Variants in PPP1R1B observed in about 807,000 individuals in gnomAD.
PPP1R1B encodes the protein protein phosphatase 1 regulatory subunit 1B.
PPP1R1B carries 13 observed loss-of-function variants against 28.2 expected under a neutral mutation model. The ratio of observed to expected loss-of-function variants is 0.46; its 90% CI spans 0.30 to 0.73. The LOEUF (loss-of-function observed/expected upper bound fraction) is 0.73, where lower values mean the gene tolerates loss of function less well. PPP1R1B is among the 30% of genes least tolerant of loss of function. The probability of loss-of-function intolerance (pLI) is 0.07; values close to 1 mark genes in which losing one functional copy is unlikely to be tolerated. For missense variants in PPP1R1B, 236 were observed against 256.7 expected, an observed-to-expected ratio of 0.92 and a Z score of 0.55; for synonymous variants, 102 against 97.5, an observed-to-expected ratio of 1.05 and a Z score of -0.27.
Position 39,627,013 on chromosome 17 carries a change from A to C in PPP1R1B, c.-380A>C, listed in dbSNP as rs998989223. The C allele has an allele frequency of 2.3e-4, 48 of 208,884 alleles. No homozygotes were observed. The highest frequency in any genetic ancestry group is 7.9e-4 in the Admixed American group (13 of 16,440). The allele number at this position is 208,884 out of a possible 1,614,324, so 12.9% of individuals were successfully genotyped here. The stretch of plus-strand genomic sequence containing the variant: ...AGGGAGGGAGGTGGAGAAGGACGGG[A>C]GAGGCAGAGAGAGGAGACACGCAGA... On this transcript the variant is annotated 5_prime_UTR_variant, in exon 1 of 7. Transcript: ENST00000254079.
chr17:39,628,728 C>T (rs1567847140), intron 1 of PPP1R1B: 9 of 993,432 alleles, frequency 9.1e-6, no homozygotes, highest in Non-Finnish European at 1.1e-5. Flanking sequence ...CACATGGGTG[C>T]CATGGCCCGT....
chr17:39,634,643 CT>C lies in PPP1R1B; in HGVS notation c.445+562del, dbSNP rs1018802699. 7.9e-5 allele frequency among the ~76,000 whole-genome samples: 12 copies of C among 152,316 alleles called. 1 individual carries two copies. Among genetic ancestry groups the C allele is most frequent in the Admixed American group, 4.6e-4 (7 of 15,308 alleles). On this transcript the variant is annotated intron_variant, in intron 5 of 6. Coordinates refer to ENST00000254079, the MANE Select transcript of PPP1R1B (RefSeq NM_032192.4). ...TCAAGAACCAGCCCGGCCCATTAAC[CT>C]TTTTAGTCTCATTATTTATGGGAAT...
At position 39,630,325 on chromosome 17, in the gene PPP1R1B, G is replaced by A. The variant is rs1055581427; in HGVS notation, c.241+278G>A. ...CCTAAGACAACCAGCAGGCATCCGC[G>A]TGGAAGGGACTCCACCTGCAGCTCC... On this transcript the variant is annotated intron_variant, in intron 4 of 6. Transcript: ENST00000254079. The A allele has an allele frequency of 2.9e-5, 13 of 446,078 alleles. 1 individual carries two copies. Among genetic ancestry groups the A allele is most frequent in the South Asian group, 7.2e-5 (3 of 41,510 alleles). 27.6% of individuals were successfully genotyped at this position (446,078 alleles called of 1,614,324 possible).
intron 5 of PPP1R1B, 137 bp downstream of exon 5, chr17:39,634,223 T>A: frequency 8.7e-7 from 1 of 1,154,420 alleles, no homozygotes; most frequent in Non-Finnish European, 1.2e-6. Flanking sequence ...TCTCGCTCCA[T>A]GGGGTGCCCC....
At chr17:39,635,160 C>T (rs1282193511) in intron 5 of PPP1R1B, among the ~76,000 whole-genome samples, 1 of 152,174 alleles carries the variant, frequency 6.6e-6, no homozygotes, top group Admixed American at 6.5e-5. Context: ...CGCACCACTG[C>T]ACTCCAGCCT....
chr17:39,636,026 C>T lies in PPP1R1B; in HGVS notation c.*161C>T. On this transcript the variant is annotated 3_prime_UTR_variant, in exon 7 of 7. Transcript: ENST00000254079. ...GCTGGTCTGTGTTTGCTTGTTTGCC[C>T]ACCTTTGGCTGATACCCAGAGAACC... 2 of 815,492 alleles carry T rather than the reference C, an allele frequency of 2.5e-6. No homozygotes were observed. The highest frequency in any genetic ancestry group is 1.8e-5 in the South Asian group (1 of 55,076). The allele number at this position is 815,492 out of a possible 1,614,324, so 50.5% of individuals were successfully genotyped here. A position where few individuals can be genotyped will look rare whatever the true frequency, so the allele number is the denominator to read the frequency against.
intron 1 of PPP1R1B, 129 bp downstream of exon 1, chr17:39,627,602 C>G: frequency 3.3e-6 from 2 of 601,440 alleles, no homozygotes; most frequent in South Asian, 2.1e-5. Flanking sequence ...GGCTCTGCCT[C>G]GGTCAGGACG....
intron 1 of PPP1R1B, chr17:39,628,373 G>T: frequency 3.1e-6 from 1 of 317,652 alleles, no homozygotes; most frequent in Non-Finnish European, 4.5e-6. Flanking sequence ...GGTTCTCTTT[G>T]TGCATTTCCC....
chr17:39,633,467 A>G, intron 4 of PPP1R1B: 1 of 184,720 alleles, frequency 5.4e-6, no homozygotes, highest in Non-Finnish European at 1.2e-5. Context: ...GCAAATCCCC[A>G]GGCCCTGGTT....
At chr17:39,629,338 G>A in intron 2 of PPP1R1B, 108 bp downstream of exon 2, 2 of 1,337,700 alleles carry the variant, frequency 1.5e-6, no homozygotes, top group Non-Finnish European at 2.1e-6. Flanking sequence ...AGACTGGGGA[G>A]TGGATAAGGT....
chr17:39,627,544 C>A, intron 1 of PPP1R1B, 71 bp downstream of exon 1: 1 of 1,011,260 alleles, frequency 9.9e-7, no homozygotes, highest in Non-Finnish European at 1.4e-6. Flanking sequence ...CCTCCCAAGG[C>A]GCTGCCCCGG....
chr17:39,631,279 A>G (rs1165261032), intron 4 of PPP1R1B, among the ~76,000 whole-genome samples: 2 of 152,204 alleles, frequency 1.3e-5, no homozygotes, highest in East Asian at 1.9e-4. Flanking sequence ...GTACACAAAG[A>G]TGTTTAAGCT....
chr17:39,630,632 G>A (rs766931787), intron 4 of PPP1R1B, among the ~76,000 whole-genome samples: 13 of 152,356 alleles, frequency 8.5e-5, no homozygotes, highest in Non-Finnish European at 1.6e-4. Flanking sequence ...GCCTCAAAGG[G>A]TCAGGGAGGG....
At chr17:39,630,446 C>A (rs2056869204) in intron 4 of PPP1R1B, 1 of 267,894 alleles carries the variant, frequency 3.7e-6, no homozygotes, top group African/African-American at 2.2e-5. Context: ...CCATTTGCAT[C>A]CCATTTGCAC....
chr17:39,634,632 G>A (rs1485448998), intron 5 of PPP1R1B, among the ~76,000 whole-genome samples: 5 of 152,176 alleles, frequency 3.3e-5, no homozygotes, highest in Admixed American at 3.3e-4. Context: ...GAACCAGCCC[G>A]GCCCATTAAC....
At chr17:39,634,893 C>A (rs1422025910) in intron 5 of PPP1R1B, among the ~76,000 whole-genome samples, 1 of 152,186 alleles carries the variant, frequency 6.6e-6, no homozygotes, top group Non-Finnish European at 1.5e-5. Flanking sequence ...GGAGACTGTT[C>A]CCTCAGGAAA....
chr17:39,627,765 T>G (rs1373840431), intron 1 of PPP1R1B, among the ~76,000 whole-genome samples: 1 of 148,202 alleles, frequency 6.7e-6, no homozygotes, highest in Admixed American at 6.7e-5. Flanking sequence ...AGGAGTGGGG[T>G]GGGGGCGTCC....
chr17:39,635,765 G>A, intron 6 of PPP1R1B, 39 bp downstream of exon 6: 1 of 1,612,386 alleles, frequency 6.2e-7, no homozygotes, highest in Non-Finnish European at 8.5e-7. Context: ...GAGGGGCTGG[G>A]ATCTTGGTGG....
At chr17:39,630,798 A>G (rs33978574) in intron 4 of PPP1R1B, among the ~76,000 whole-genome samples, 16,142 of 152,078 alleles carry the variant, frequency 0.11, 1,863 homozygotes, top group African/African-American at 0.29. Flanking sequence ...GGCCGGGCGC[A>G]GTGACTCACG....
Sources: allele counts gnomAD v4.1 joint callset (sites outside exome capture counted in the v4.1 genomes callset), GRCh38; gene constraint gnomAD v4.1.1; transcripts MANE v1.5; gene names NCBI Gene and HGNC (gene_info 2026-07-23, HGNC 2026-07-21).